The following RIMS2 variants were observed in gnomAD, a reference collection of about 807,000 sequenced individuals.
The protein encoded by RIMS2 is regulating synaptic membrane exocytosis protein 2.
Under a neutral mutation model 174.4 loss-of-function variants are expected in RIMS2, and 59 were observed. The ratio of observed to expected loss-of-function variants is 0.34; its 90% confidence interval spans 0.27 to 0.42. The LOEUF (loss-of-function observed/expected upper bound fraction) is 0.42. Ranked by LOEUF, RIMS2 falls within the 10% of genes least tolerant of loss-of-function variation. The pLI is 1.00. For missense variants in RIMS2, 1,620 were observed against 1,666.3 expected, an observed-to-expected ratio of 0.97 and a Z score of 0.48; for synonymous variants, 606 against 572.5, an observed-to-expected ratio of 1.06 and a Z score of -0.84.
At chr8:103,715,451 C>T (rs368094388) in intron 2 of RIMS2, among the ~76,000 whole-genome samples, 1 of 152,078 alleles carries the variant, frequency 6.6e-6, no homozygotes, top group African/African-American at 2.4e-5. Flanking sequence ...GATTGTCTTT[C>T]CTCTGAGTCA....
At chr8:103,637,432 T>C (rs2096114475) in intron 1 of RIMS2, among the ~76,000 whole-genome samples, 1 of 152,236 alleles carries the variant, frequency 6.6e-6, no homozygotes, top group African/African-American at 2.4e-5. Flanking sequence ...ATTTGGAATG[T>C]GTTCTATTTT....
intron 15 of RIMS2, among the ~76,000 whole-genome samples, chr8:103,962,733 T>C (rs962129804): frequency 6.6e-6 from 1 of 152,080 alleles, no homozygotes; most frequent in Admixed American, 6.6e-5. Flanking sequence ...CATTTGACCC[T>C]CTCAGCTCAG....
intron 3 of RIMS2, 91 bp downstream of exon 6, chr8:103,766,628 G>A (rs1381982819): frequency 3.7e-6 from 3 of 820,626 alleles, no homozygotes; most frequent in Admixed American, 5.5e-5. Context: ...TTAGGCAATG[G>A]TGAGTTGTCT....
chr8:103,854,903 C>T (rs1436659239), intron 3 of RIMS2, among the ~76,000 whole-genome samples: 1 of 151,938 alleles, frequency 6.6e-6, no homozygotes, highest in Non-Finnish European at 1.5e-5. Context: ...AGGAGCCTCT[C>T]ACTTCTTTGT....
In RIMS2 at chr8:103,880,725, A is replaced by G. The variant is rs774739107; in HGVS notation, c.699-4573A>G. ...GAAAATATATTAAATCTTAATTGTG[A>G]TATGTAAAAATTTATATATTTTTGT... On this transcript the variant is annotated intron_variant, in intron 3 of 23. Transcript: ENST00000504942. 3.0e-5 allele frequency: 14 copies of G among 473,782 alleles called. No homozygotes were observed. In the South Asian group the frequency reaches 3.4e-4, roughly 12 times the overall value. The allele number at this position is 473,782 out of a possible 1,614,324, so 29.3% of individuals were successfully genotyped here.
chr8:103,855,569 G>T (rs1436747089), intron 3 of RIMS2, among the ~76,000 whole-genome samples: 1 of 152,020 alleles, frequency 6.6e-6, no homozygotes, highest in Non-Finnish European at 1.5e-5. Flanking sequence ...TTATTTTCAT[G>T]AATTTGAAAG....
intron 1 of RIMS2, among the ~76,000 whole-genome samples, chr8:103,625,071 T>G (rs1322163142): frequency 2.0e-5 from 3 of 152,186 alleles, no homozygotes; most frequent in Non-Finnish European, 2.9e-5. Flanking sequence ...CAACTGGCTG[T>G]CTTTCTTGTT....
intron 3 of RIMS2, among the ~76,000 whole-genome samples, chr8:103,805,412 A>C (rs569530054): frequency 6.6e-6 from 1 of 152,270 alleles, no homozygotes; most frequent in Non-Finnish European, 1.5e-5. Flanking sequence ...AAAAATAAAT[A>C]GTACAGAGAG....
chr8:103,617,054 T>G (rs1357298097), intron 1 of RIMS2, among the ~76,000 whole-genome samples: 1 of 152,108 alleles, frequency 6.6e-6, no homozygotes, highest in Admixed American at 6.6e-5. Flanking sequence ...AAAGCCCAGA[T>G]AGCGAAGGCA....
intron 2 of RIMS2, among the ~76,000 whole-genome samples, chr8:103,700,334 G>A (rs1448112634): frequency 6.6e-6 from 1 of 151,604 alleles, no homozygotes; most frequent in East Asian, 1.9e-4. Flanking sequence ...TTTATTTTTG[G>A]TAATATTCTT....
intron 19 of RIMS2, among the ~76,000 whole-genome samples, chr8:104,173,214 G>A (rs1036711208): frequency 7.2e-5 from 11 of 152,094 alleles, no homozygotes; most frequent in Admixed American, 5.2e-4. Context: ...ATACTCATAC[G>A]TTAAAGAAAA....
chr8:103,603,642 C>T (rs2094882848), intron 1 of RIMS2, among the ~76,000 whole-genome samples: 1 of 149,130 alleles, frequency 6.7e-6, no homozygotes, highest in African/African-American at 2.5e-5. Context: ...TATTTCTCCA[C>T]ATCCTCTCCA....
chr8:103,875,709 T>G (rs2099133053), intron 3 of RIMS2, among the ~76,000 whole-genome samples: 1 of 152,136 alleles, frequency 6.6e-6, no homozygotes, highest in Non-Finnish European at 1.5e-5. Flanking sequence ...GAGGCTGTAC[T>G]AATTTACATT....
At chr8:104,163,193 C>A (rs1392240011) in intron 19 of RIMS2, among the ~76,000 whole-genome samples, 4 of 152,150 alleles carry the variant, frequency 2.6e-5, no homozygotes, top group African/African-American at 9.6e-5. Context: ...CCCTTTGATG[C>A]AGCTCTAAGT....
chr8:103,817,136 C>T (rs2098722816), intron 3 of RIMS2, among the ~76,000 whole-genome samples: 3 of 152,136 alleles, frequency 2.0e-5, no homozygotes, highest in Non-Finnish European at 2.9e-5. Flanking sequence ...AAAATCAACT[C>T]ATAATCAGAG....
At chr8:103,916,613 TTTC>T (rs2076674578) in intron 8 of RIMS2, 76 bp downstream of exon 11, 1 of 1,164,352 alleles carries the variant, frequency 8.6e-7, no homozygotes, top group South Asian at 1.8e-5. Context: ...CATTTAATAA[TTTC>T]TGATTGCTTT....
chr8:103,604,257 T>A (rs1052098901), intron 1 of RIMS2, among the ~76,000 whole-genome samples: 9 of 151,364 alleles, frequency 5.9e-5, no homozygotes, highest in East Asian at 3.9e-4. Context: ...AAATAGAGAA[T>A]CCTTTCCCCA....
Position 103,509,640 on chromosome 8 carries a change from A to G in RIMS2, c.176+8578A>G, listed in dbSNP as rs145911697. On this transcript the variant is annotated intron_variant, in intron 1 of 23. Transcript: ENST00000504942. ...GTGCTTGTATTATAAAAGGGAGATA[A>G]ATTTTATTGGGTTTTGTGATGGGAA... 6.1e-3 allele frequency among the ~76,000 whole-genome samples: 934 copies of G among 152,208 alleles called. 12 individuals carry two copies. Among genetic ancestry groups the G allele is most frequent in the African/African-American group, 0.021 (883 of 41,536 alleles).
intron 19 of RIMS2, among the ~76,000 whole-genome samples, chr8:104,147,031 G>A (rs1396731293): frequency 2.0e-5 from 3 of 152,084 alleles, no homozygotes; most frequent in Non-Finnish European, 4.4e-5. Flanking sequence ...AGGTTATTCT[G>A]AGTATGGAAC....
Sources: allele counts gnomAD v4.1 joint callset (sites outside exome capture counted in the v4.1 genomes callset), GRCh38; gene constraint gnomAD v4.1.1; transcripts MANE v1.5; gene names NCBI Gene and HGNC (gene_info 2026-07-23, HGNC 2026-07-21).